Variants in TMEM135 observed in about 807,000 individuals in gnomAD.
TMEM135 encodes the protein transmembrane protein 135.
A neutral mutation model predicts 60.3 loss-of-function variants in TMEM135; 30 were observed. The ratio of observed to expected loss-of-function variants is 0.50; its 90% confidence interval spans 0.37 to 0.68. The LOEUF (loss-of-function observed/expected upper bound fraction) is 0.68, where lower values mean the gene tolerates loss of function less well. TMEM135 is among the 30% of genes least tolerant of loss of function. The pLI is 0.00. For missense variants in TMEM135, 468 were observed against 548.8 expected (o/e 0.85, Z 1.47); for synonymous variants, 190 against 186.7 (o/e 1.02, Z -0.14).
intron 4 of TMEM135, 27 bp downstream of exon 4, chr11:87,091,422 G>C (rs1857201978): frequency 6.2e-7 from 1 of 1,607,522 alleles, no homozygotes; most frequent in Admixed American, 1.7e-5. Flanking sequence ...AACCTTTGAT[G>C]TCTTCCCATA....
At chr11:87,218,082 C>T (rs769445985) in intron 5 of TMEM135, among the ~76,000 whole-genome samples, 13 of 152,078 alleles carry the variant, frequency 8.5e-5, no homozygotes, top group South Asian at 2.1e-4. Context: ...TTTTAGTTGT[C>T]GTCATTGGTG....
chr11:87,307,421 G>A (rs1213847815), intron 9 of TMEM135, among the ~76,000 whole-genome samples: 1 of 150,560 alleles, frequency 6.6e-6, no homozygotes, highest in African/African-American at 2.4e-5. Context: ...GTCCAAGTCA[G>A]CTGATAACCT....
At chr11:87,087,633 A>G (rs1165544042) in intron 3 of TMEM135, among the ~76,000 whole-genome samples, 1 of 152,234 alleles carries the variant, frequency 6.6e-6, no homozygotes, top group Non-Finnish European at 1.5e-5. Flanking sequence ...CTTCAGTGTT[A>G]TACTCGGCTT....
intron 4 of TMEM135, among the ~76,000 whole-genome samples, chr11:87,104,260 T>A (rs550292672): frequency 6.6e-6 from 1 of 152,334 alleles, no homozygotes; most frequent in South Asian, 2.1e-4. Context: ...GTTTATTTAT[T>A]TCTGGGTTAT....
chr11:87,253,700 C>G (rs1429704565), intron 6 of TMEM135, among the ~76,000 whole-genome samples: 9 of 32,324 alleles, frequency 2.8e-4, no homozygotes, highest in Non-Finnish European at 5.7e-4. Context: ...TATATATATC[C>G]TGGTGTACAC....
At chr11:87,283,929 A>G (rs1361052191) in intron 6 of TMEM135, among the ~76,000 whole-genome samples, 15 of 151,742 alleles carry the variant, frequency 9.9e-5, no homozygotes, top group Admixed American at 9.9e-4. Context: ...TTGTTTTCAT[A>G]TTTTTCACTA....
intron 1 of TMEM135, among the ~76,000 whole-genome samples, chr11:87,061,947 G>C (rs1442169877): frequency 6.6e-6 from 1 of 152,112 alleles, no homozygotes; most frequent in Non-Finnish European, 1.5e-5. Flanking sequence ...GCTTATTGCT[G>C]CCTGTCTTTT....
At chr11:87,237,355 T>C (rs189506573) in intron 6 of TMEM135, among the ~76,000 whole-genome samples, 32 of 152,068 alleles carry the variant, frequency 2.1e-4, no homozygotes, top group Non-Finnish European at 4.3e-4. Context: ...TACCAATTAA[T>C]TTCCATTTAT....
intron 6 of TMEM135, among the ~76,000 whole-genome samples, chr11:87,263,607 T>G (rs1407803405): frequency 6.6e-6 from 1 of 152,156 alleles, no homozygotes; most frequent in Non-Finnish European, 1.5e-5. Context: ...TCCAGTATGT[T>G]GCAACATTTC....
chr11:87,128,035 A>G (rs551677348), intron 4 of TMEM135, among the ~76,000 whole-genome samples: 2 of 152,292 alleles, frequency 1.3e-5, no homozygotes, highest in African/African-American at 4.8e-5. Context: ...TTGATCTAGA[A>G]TCTTACTTTG....
At chr11:87,127,210 G>T (rs1186250068) in intron 4 of TMEM135, among the ~76,000 whole-genome samples, 1 of 152,168 alleles carries the variant, frequency 6.6e-6, no homozygotes, top group Non-Finnish European at 1.5e-5. Flanking sequence ...TGGTGTCTGA[G>T]GATAATGTTT....
chr11:87,127,341 G>A (rs1327584469), intron 4 of TMEM135, among the ~76,000 whole-genome samples: 1 of 152,136 alleles, frequency 6.6e-6, no homozygotes, highest in Non-Finnish European at 1.5e-5. Flanking sequence ...CTCCATGGGT[G>A]CCAGCCACAC....
At chr11:87,055,982 A>G (rs1343809279) in intron 1 of TMEM135, among the ~76,000 whole-genome samples, 1 of 152,182 alleles carries the variant, frequency 6.6e-6, no homozygotes, top group Non-Finnish European at 1.5e-5. Flanking sequence ...CAGTTACTCC[A>G]TAGACAGAGT....
At chr11:87,107,889 G>GT (rs1857639656) in intron 4 of TMEM135, among the ~76,000 whole-genome samples, 1 of 152,166 alleles carries the variant, frequency 6.6e-6, no homozygotes, top group South Asian at 2.1e-4. Context: ...CAGTGTAAAA[G>GT]TGTTCCTATT....
intron 5 of TMEM135, among the ~76,000 whole-genome samples, chr11:87,158,946 T>C (rs993924955): frequency 1.3e-5 from 2 of 152,198 alleles, no homozygotes; most frequent in Admixed American, 1.3e-4. Context: ...TAGTAATTAC[T>C]ATATATTTTT....
At chr11:87,294,428 GGCTGGAGA>G (rs1268037606) in intron 6 of TMEM135, among the ~76,000 whole-genome samples, 1 of 152,130 alleles carries the variant, frequency 6.6e-6, no homozygotes, top group African/African-American at 2.4e-5. Flanking sequence ...TTGTTGCCCA[GGCTGGAGA>G]GCAATGGCGC....
intron 5 of TMEM135, among the ~76,000 whole-genome samples, chr11:87,214,070 C>T (rs1359070474): frequency 6.6e-6 from 1 of 152,148 alleles, no homozygotes; most frequent in Admixed American, 6.5e-5. Context: ...TACTGTGAGA[C>T]ATTACTCTAT....
intron 6 of TMEM135, among the ~76,000 whole-genome samples, chr11:87,250,550 G>T (rs988648878): frequency 2.6e-5 from 4 of 151,848 alleles, no homozygotes; most frequent in African/African-American, 4.8e-5. Context: ...ACTCAGGAGT[G>T]TATTGTTTAA....
At chr11:87,076,941 C>T (rs1033715641) in intron 3 of TMEM135, among the ~76,000 whole-genome samples, 2 of 152,174 alleles carry the variant, frequency 1.3e-5, no homozygotes, top group African/African-American at 2.4e-5. Flanking sequence ...TAATATAAAA[C>T]CAGGAAGTTG....
Sources: allele counts gnomAD v4.1 joint callset (sites outside exome capture counted in the v4.1 genomes callset), GRCh38; gene constraint gnomAD v4.1.1; transcripts MANE v1.5; gene names NCBI Gene and HGNC (gene_info 2026-07-23, HGNC 2026-07-21).